ATP10B: variants seen among roughly 807,000 people sequenced by gnomAD.
ATP10B encodes the protein ATPase phospholipid transporting 10B (putative).
In ATP10B, 122 loss-of-function variants were observed where a neutral mutation model predicts 141.2. That is an observed-to-expected ratio of 0.86 (90% confidence interval 0.75 to 1.00). The LOEUF (loss-of-function observed/expected upper bound fraction) is 1.00, where lower values mean the gene tolerates loss of function less well. Among genes scored for constraint, ATP10B ranks in the 50% least tolerant of loss-of-function variants. The pLI, the probability that ATP10B is intolerant of heterozygous loss-of-function variation, is 0.00. For missense variants in ATP10B, 1,876 were observed against 1,825.3 expected (o/e 1.03, Z -0.51); for synonymous variants, 685 against 692.0 (o/e 0.99, Z 0.16).
intron 1 of ATP10B, among the ~76,000 whole-genome samples, chr5:160,791,874 G>A (rs766610040): frequency 4.6e-5 from 7 of 152,154 alleles, no homozygotes; most frequent in East Asian, 3.9e-4. Flanking sequence ...ATCAGCCTTC[G>A]TGTGGTCATT....
intron 1 of ATP10B, among the ~76,000 whole-genome samples, chr5:160,798,744 A>ATTTTTTTTTTT (rs35866347): frequency 2.0e-5 from 2 of 102,494 alleles, no homozygotes; most frequent in South Asian, 3.3e-4. Context: ...CTTTTTCTCT[A>ATTTTTTTTTTT]TTTTTTTTTT....
Position 160,620,950 on chromosome 5 carries a change from C to A in ATP10B, c.1813G>T (p.Val605Phe), listed in dbSNP as rs771066251. The change falls in exon 15 of 26, where the codon GTC (valine) becomes TTC (phenylalanine). Residue 605 changes from valine (V) to phenylalanine (F), a missense_variant and splice_region_variant. By Grantham distance (50) the Val-to-Phe change is conservative. Coordinates refer to ENST00000327245, the MANE Select transcript of ATP10B (RefSeq NM_025153.3). ...GCCTTGCTTGAGGGTTTGATGGTGA[C>A]CTTGTGGCCAAAGAAGGAAAGTGGA... ...VSTTTEPRQR[V>F]TIKPSSKALG... 2 of 1,604,294 alleles carry A rather than the reference C, an allele frequency of 1.2e-6. No homozygotes were observed. Among genetic ancestry groups the A allele is most frequent in the Admixed American group, 1.7e-5 (1 of 58,550 alleles).
At chr5:160,717,129 A>G (rs1184977609) in intron 2 of ATP10B, 95 bp from the exon 3 acceptor site, 24 of 833,998 alleles carry the variant, frequency 2.9e-5, no homozygotes, top group Non-Finnish European at 3.3e-5. Flanking sequence ...CATATTCTTT[A>G]TGTGAAACTA....
At chr5:160,627,355 G>A (rs1758664198) in intron 13 of ATP10B, among the ~76,000 whole-genome samples, 1 of 152,228 alleles carries the variant, frequency 6.6e-6, no homozygotes, top group Non-Finnish European at 1.5e-5. Flanking sequence ...GAAAGCAGGA[G>A]CAATGTTCTA....
At position 160,735,458 on chromosome 5, in the gene ATP10B, T is replaced by A. The variant is rs149041122; in HGVS notation, c.-330-18424A>T. Among the ~76,000 whole-genome samples the A allele has an allele frequency of 8.5e-5, 13 of 152,132 alleles. No individual in the cohort carries two copies. The East Asian group carries it at 2.5e-3, about 29-fold the overall frequency. On this transcript the variant is annotated intron_variant, in intron 2 of 25. Transcript: ENST00000327245. ...AGCAGGAGGATATAACAATTGTAAA[T>A]CTACATGCACCCAACACTGGAGCAC...
intron 2 of ATP10B, among the ~76,000 whole-genome samples, chr5:160,744,158 T>C (rs1243574302): frequency 6.6e-6 from 1 of 152,186 alleles, no homozygotes; most frequent in African/African-American, 2.4e-5. Context: ...TAAATACCTA[T>C]GCCTGGTTCC....
intron 1 of ATP10B, among the ~76,000 whole-genome samples, chr5:160,805,518 C>T (rs560066210): frequency 9.8e-5 from 15 of 152,314 alleles, no homozygotes; most frequent in African/African-American, 3.1e-4. Flanking sequence ...GTTTGGCACA[C>T]GCATGTGGAC....
the ATP10B span, among the ~76,000 whole-genome samples, chr5:160,925,177 G>C: frequency 6.5e-4 from 99 of 152,352 alleles, no homozygotes; most frequent in African/African-American, 2.2e-3. Flanking sequence ...TGGATTATAA[G>C]AGTTCAAAGT....
chr5:160,823,052 T>C (rs1246388972), intron 1 of ATP10B, among the ~76,000 whole-genome samples: 2 of 125,640 alleles, frequency 1.6e-5, no homozygotes, highest in East Asian at 2.4e-4. Context: ...AAGAGTGTAA[T>C]TGGATTGTAA....
intron 2 of ATP10B, among the ~76,000 whole-genome samples, chr5:160,730,346 T>C (rs1458743608): frequency 6.6e-6 from 1 of 152,044 alleles, no homozygotes; most frequent in Non-Finnish European, 1.5e-5. Context: ...ATTGCTACCC[T>C]GAATGGAACG....
At chr5:160,769,913 C>T (rs886810906) in intron 2 of ATP10B, among the ~76,000 whole-genome samples, 5 of 152,026 alleles carry the variant, frequency 3.3e-5, no homozygotes, top group Admixed American at 2.6e-4. Context: ...TGATTTTGCC[C>T]GAAGGGGATG....
At chr5:160,656,833 G>A (rs1227085166) in intron 7 of ATP10B, among the ~76,000 whole-genome samples, 1 of 152,058 alleles carries the variant, frequency 6.6e-6, no homozygotes, top group African/African-American at 2.4e-5. Context: ...TTGAAGAAAG[G>A]GAAACCAACA....
chr5:160,634,729 G>C, intron 11 of ATP10B, 123 bp from the exon 12 acceptor site: 1 of 1,065,468 alleles, frequency 9.4e-7, no homozygotes, highest in East Asian at 2.5e-5. Flanking sequence ...CAGACTCTCT[G>C]TGAAATTAAC....
At chr5:160,684,524 TA>T (rs1380008820) in intron 6 of ATP10B, among the ~76,000 whole-genome samples, 6 of 152,192 alleles carry the variant, frequency 3.9e-5, no homozygotes, top group Non-Finnish European at 7.3e-5. Flanking sequence ...CAACCAGCCT[TA>T]AATGTGCTCA....
intron 1 of ATP10B, among the ~76,000 whole-genome samples, chr5:160,819,038 T>C (rs887339408): frequency 6.6e-6 from 1 of 152,082 alleles, no homozygotes; most frequent in East Asian, 1.9e-4. Context: ...TTAGGAGATA[T>C]ACCTAATGCT....
chr5:160,907,097 T>C, the ATP10B span, among the ~76,000 whole-genome samples: 1 of 152,194 alleles, frequency 6.6e-6, no homozygotes, highest in African/African-American at 2.4e-5. Flanking sequence ...AGCCTTCAGT[T>C]TGCCAAGGGG....
intron 1 of ATP10B, among the ~76,000 whole-genome samples, chr5:160,793,565 T>A (rs1180691428): frequency 6.6e-6 from 1 of 152,156 alleles, no homozygotes; most frequent in Non-Finnish European, 1.5e-5. Flanking sequence ...TACAATGGAG[T>A]GAAAAATTTC....
At chr5:160,858,330 C>A in the ATP10B span, among the ~76,000 whole-genome samples, 2 of 147,386 alleles carry the variant, frequency 1.4e-5, no homozygotes, top group Admixed American at 1.3e-4. Context: ...TTTTTCCATC[C>A]TTTTATTTTT....
intron 3 of ATP10B, among the ~76,000 whole-genome samples, chr5:160,695,657 T>C (rs764542007): frequency 1.3e-5 from 2 of 152,176 alleles, no homozygotes; most frequent in Non-Finnish European, 2.9e-5. Context: ...AATAAGTCTT[T>C]ACTAGAGAAT....
Sources: allele counts gnomAD v4.1 joint callset (sites outside exome capture counted in the v4.1 genomes callset), GRCh38; gene constraint gnomAD v4.1.1; transcripts MANE v1.5; gene names NCBI Gene and HGNC (gene_info 2026-07-23, HGNC 2026-07-21).